Variants in CAPN11 observed in about 807,000 individuals in gnomAD.
CAPN11 encodes the protein calpain 11.
Under a neutral mutation model 105.3 loss-of-function variants are expected in CAPN11, and 108 were observed. The observed-to-expected ratio is 1.03, with a 90% CI of 0.88 to 1.20. The LOEUF is 1.20. CAPN11 is among the 50% of genes most tolerant of loss of function. The pLI is 0.00. For synonymous variants in CAPN11, 329 were observed against 344.5 expected, an observed-to-expected ratio of 0.96 and a Z score of 0.50; for missense variants, 883 against 924.8, an observed-to-expected ratio of 0.95 and a Z score of 0.59.
chr6:44,178,313 G>A (rs779375487), intron 12 of CAPN11, among the ~76,000 whole-genome samples: 1 of 152,030 alleles, frequency 6.6e-6, no homozygotes, highest in Non-Finnish European at 1.5e-5. Flanking sequence ...TTCTCCACAC[G>A]CCCCGCCCGA....
At chr6:44,181,913 CACACAT>C (rs1189822737) in intron 19 of CAPN11, among the ~76,000 whole-genome samples, 8 of 96,022 alleles carry the variant, frequency 8.3e-5, no homozygotes, top group Non-Finnish European at 1.7e-4. Context: ...CACACTCACA[CACACAT>C]ACACACTCAC....
intron 7 of CAPN11, 102 bp downstream of exon 7, chr6:44,173,488 A>G: frequency 1.4e-6 from 1 of 713,166 alleles, no homozygotes. Context: ...CTTCTCATTC[A>G]GTTCAACTGC....
At chr6:44,160,533 C>T (rs976652394) in intron 1 of CAPN11, among the ~76,000 whole-genome samples, 1 of 152,226 alleles carries the variant, frequency 6.6e-6, no homozygotes, top group African/African-American at 2.4e-5. Context: ...AGGAGAATAG[C>T]GTGAACCCAG....
Position 44,182,975 on chromosome 6 carries a change from G to A in CAPN11, c.1973G>A (p.Gly658Asp), listed in dbSNP as rs1774042560. Residue 658 changes from glycine (G) to aspartate (D), a missense_variant, in exon 20 of 23, where the codon GGC (glycine) becomes GAC (aspartate). Gly to Asp is a moderately conservative substitution (Grantham distance 94, BLOSUM62 -1). Transcript: ENST00000398776. ...AGAGAGTGTGACCAGGACCATTCAG[G>A]CACCTTGAACTCCTATGAGATGCGC... ...IFRECDQDHS[G>D]TLNSYEMRLV... 6.2e-7 allele frequency: 1 copy of A among 1,611,472 alleles called. No individual in the cohort carries two copies. Among genetic ancestry groups the A allele is most frequent in the East Asian group, 2.2e-5 (1 of 44,826 alleles).
intron 18 of CAPN11, 43 bp downstream of exon 18, chr6:44,181,040 A>G (rs1460239235): frequency 6.3e-7 from 1 of 1,576,560 alleles, no homozygotes; most frequent in Non-Finnish European, 8.7e-7. Context: ...TCCCCTGCCC[A>G]CAAGCCTGGC....
At chr6:44,175,546 T>C (rs1771826704) in intron 7 of CAPN11, among the ~76,000 whole-genome samples, 1 of 151,708 alleles carries the variant, frequency 6.6e-6, no homozygotes, top group Non-Finnish European at 1.5e-5. Context: ...GAAGCCGAGG[T>C]GGGCGGATCA....
Position 44,170,553 on chromosome 6 carries a change from G to A in CAPN11, c.409+578G>A, listed in dbSNP as rs528549827. On this transcript the variant is annotated intron_variant, in intron 4 of 22. Coordinates refer to ENST00000398776, the MANE Select transcript of CAPN11 (RefSeq NM_007058.4). ...ACGTGGTAGCTTGCTCTTCCAAAGC[G>A]AGTTATCTAAGAGAGAGGACAAGGA... 3.3e-5 allele frequency among the ~76,000 whole-genome samples: 5 copies of A among 152,314 alleles called. No individual in the cohort carries two copies. In the East Asian group the frequency reaches 5.8e-4, roughly 18 times the overall value.
intron 19 of CAPN11, among the ~76,000 whole-genome samples, chr6:44,182,727 C>T (rs926434052): frequency 7.9e-5 from 12 of 152,176 alleles, no homozygotes; most frequent in African/African-American, 2.7e-4. Flanking sequence ...GCATGCACCA[C>T]CACACCCAGC....
chr6:44,179,804 G>A, intron 13 of CAPN11, 148 bp from the exon 14 acceptor site: 1 of 885,924 alleles, frequency 1.1e-6, no homozygotes. Flanking sequence ...CCCTGTTGGA[G>A]TTGCGGGCCA....
rs372617735 is a variant in CAPN11 at position 44,173,031 on chromosome 6, G to A, written c.620G>A (p.Arg207His). 1.1e-5 allele frequency: 17 copies of A among 1,613,270 alleles called. No homozygotes were observed. The African/African-American group carries it at 1.7e-4, about 16-fold the overall frequency. ...DKLVFVHSTE[R>H]SEFWSALLEK... ...CTGGTGTTTGTGCACTCAACCGAACGCAGTGAGTTCTGGAGTGCCCTGCTG... is the reference window on the plus strand; with the variant it reads ...CTGGTGTTTGTGCACTCAACCGAACACAGTGAGTTCTGGAGTGCCCTGCTG... The change falls in exon 6 of 23, where the codon CGC (arginine) becomes CAC (histidine). Residue 207 changes from arginine (R) to histidine (H), a missense_variant. Transcript: ENST00000398776.
chr6:44,174,664 G>T (rs1249665678), intron 7 of CAPN11, among the ~76,000 whole-genome samples: 1 of 142,564 alleles, frequency 7.0e-6, no homozygotes, highest in Non-Finnish European at 1.5e-5. Context: ...CTGTCACCCA[G>T]GCTGGAGTGC....
At chr6:44,183,855 C>A in intron 22 of CAPN11, 51 bp from the exon 23 acceptor site, 1 of 1,569,256 alleles carries the variant, frequency 6.4e-7, no homozygotes, top group Non-Finnish European at 8.7e-7. Flanking sequence ...CCCGGGCCAG[C>A]ATCCTGCCCC....
intron 7 of CAPN11, among the ~76,000 whole-genome samples, chr6:44,173,745 C>T (rs138328470): frequency 2.6e-5 from 4 of 151,794 alleles, no homozygotes; most frequent in African/African-American, 7.2e-5. Flanking sequence ...ACCCTGCCTG[C>T]GTAGTTTTTT....
intron 19 of CAPN11, among the ~76,000 whole-genome samples, chr6:44,182,291 A>T (rs199866095): frequency 0.015 from 1,318 of 88,668 alleles, 5 homozygotes; most frequent in Non-Finnish European, 0.024. Context: ...CACACCACAC[A>T]CACACACACA....
chr6:44,162,015 C>T (rs563292941), intron 1 of CAPN11: 5 of 413,286 alleles, frequency 1.2e-5, no homozygotes, highest in Non-Finnish European at 2.5e-5. Flanking sequence ...CCAGCAGCAT[C>T]CCTGGCCTCT....
intron 1 of CAPN11, among the ~76,000 whole-genome samples, chr6:44,163,515 A>C (rs564078670): frequency 6.6e-6 from 1 of 151,904 alleles, no homozygotes; most frequent in South Asian, 2.1e-4. Flanking sequence ...GCCTGCCCTG[A>C]CTCTAATGCC....
intron 10 of CAPN11, 56 bp from the exon 11 acceptor site, chr6:44,176,782 A>T: frequency 6.2e-7 from 1 of 1,600,724 alleles, no homozygotes; most frequent in Non-Finnish European, 8.5e-7. Context: ...GTTCAGGGAG[A>T]GGGAACTGAG....
chr6:44,176,717 G>A, intron 10 of CAPN11, 62 bp downstream of exon 10: 1 of 1,563,162 alleles, frequency 6.4e-7, no homozygotes, highest in Non-Finnish European at 8.7e-7. Flanking sequence ...TCATCTCCCT[G>A]CTCCGCTCCT....
Position 44,183,152 on chromosome 6 carries a change from T to C in CAPN11, c.2051T>C (p.Leu684Pro), listed in dbSNP as rs370271044. The change falls in exon 21 of 23, where the codon CTG (leucine) becomes CCG (proline). Residue 684 changes from leucine (L) to proline (P), a missense_variant. By Grantham distance (98) the Leu-to-Pro change is moderately conservative. Coordinates refer to ENST00000398776, the MANE Select transcript of CAPN11 (RefSeq NM_007058.4). ...IKLNNKVMQV[L>P]VARYADDDLI... ...CTGAACAACAAGGTAATGCAGGTCC[T>C]GGTGGCCAGGTATGCAGATGATGAC... is the stretch of plus-strand genomic sequence containing the variant. 1.4e-5 allele frequency: 23 copies of C among 1,613,618 alleles called. No individual in the cohort carries two copies. The highest frequency in any genetic ancestry group is 4.0e-5 in the African/African-American group (3 of 74,926).
Sources: allele counts gnomAD v4.1 joint callset (sites outside exome capture counted in the v4.1 genomes callset), GRCh38; gene constraint gnomAD v4.1.1; transcripts MANE v1.5; gene names NCBI Gene and HGNC (gene_info 2026-07-23, HGNC 2026-07-21).